The following PSMB7 variants were observed in gnomAD, a reference collection of about 807,000 sequenced individuals.
PSMB7 encodes the protein proteasome subunit beta type-7.
PSMB7 carries 5 observed loss-of-function variants against 28.1 expected under a neutral mutation model. The observed-to-expected ratio is 0.18, with a 90% CI of 0.09 to 0.37. PSMB7 has a LOEUF of 0.37. Ranked by LOEUF, PSMB7 falls within the 10% of genes least tolerant of loss-of-function variation. The pLI, the probability that PSMB7 is intolerant of heterozygous loss-of-function variation, is 1.00. For missense variants in PSMB7, 275 were observed against 346.2 expected (o/e 0.79, Z 1.63); for synonymous variants, 122 against 123.7 (o/e 0.99, Z 0.09).
chr9:124,360,949 T>C (rs1830460756), intron 6 of PSMB7, among the ~76,000 whole-genome samples: 1 of 152,152 alleles, frequency 6.6e-6, no homozygotes, highest in South Asian at 2.1e-4. Flanking sequence ...GCCAGAGGGC[T>C]CCTAAAAACA....
At chr9:124,366,105 A>T (rs534442857) in intron 6 of PSMB7, among the ~76,000 whole-genome samples, 8 of 151,456 alleles carry the variant, frequency 5.3e-5, no homozygotes, top group South Asian at 2.1e-4. Context: ...TTAAAAAAAA[A>T]TTTTTTTAAT....
intron 4 of PSMB7, among the ~76,000 whole-genome samples, chr9:124,410,186 G>A (rs1831015246): frequency 6.6e-6 from 1 of 151,838 alleles, no homozygotes; most frequent in South Asian, 2.1e-4. Context: ...AGTAGAGATG[G>A]GGTTTCACCA....
At chr9:124,388,062 T>C (rs763997424) in intron 5 of PSMB7, among the ~76,000 whole-genome samples, 5 of 152,224 alleles carry the variant, frequency 3.3e-5, no homozygotes, top group Non-Finnish European at 5.9e-5. Context: ...TTACATCCTC[T>C]TTTCCCTATA....
rs530726767 is a variant in PSMB7, at chr9:124,358,821, G to C, written c.571-1906C>G. Among the ~76,000 whole-genome samples, 12 of 152,338 alleles carry C rather than the reference G, an allele frequency of 7.9e-5. No homozygotes were observed. In the East Asian group the frequency reaches 2.1e-3, roughly 27 times the overall value. On this transcript the variant is annotated intron_variant, in intron 6 of 7. Transcript: ENST00000259457. The stretch of plus-strand genomic sequence containing the variant: ...TTCTTATCACTGCTGCTGGTGTCTA[G>C]AGCCAGCCAGCAGTACCTGGCAGAC...
chr9:124,381,957 C>G (rs1426107925), intron 6 of PSMB7, among the ~76,000 whole-genome samples: 1 of 152,048 alleles, frequency 6.6e-6, no homozygotes, highest in African/African-American at 2.4e-5. Flanking sequence ...GTACCACCTT[C>G]ACCTTAATAA....
At chr9:124,355,088 C>T (rs528960288) in intron 7 of PSMB7, among the ~76,000 whole-genome samples, 20 of 152,228 alleles carry the variant, frequency 1.3e-4, no homozygotes, top group Non-Finnish European at 2.6e-4. Flanking sequence ...GGGAAGGGCT[C>T]CCCTAACTCA....
intron 5 of PSMB7, among the ~76,000 whole-genome samples, chr9:124,397,873 T>A (rs1415346041): frequency 6.6e-6 from 1 of 152,134 alleles, no homozygotes; most frequent in African/African-American, 2.4e-5. Flanking sequence ...AAGCATGAGT[T>A]AAAACAAAAT....
Position 124,414,848 on chromosome 9 carries a change from G to A in PSMB7, c.150C>T (p.Val50=), listed in dbSNP as rs138025524. 2 of 1,613,670 alleles carry A rather than the reference G, an allele frequency of 1.2e-6. No homozygotes were observed. Among genetic ancestry groups the A allele is most frequent in the African/African-American group, 2.7e-5 (2 of 74,866 alleles). Residue 50 remains valine (V), a synonymous_variant, in exon 2 of 8, where the codon GTC becomes GTT. Transcript: ENST00000259457. ...RKTGTTIAGV[V]YKDGIVLGAD... ...TTAGCCTAACCCGGCTTACCTTATA[G>A]ACCACCCCAGCGATGGTCGTGCCAG...
At chr9:124,363,565 A>T (rs1457051944) in intron 6 of PSMB7, among the ~76,000 whole-genome samples, 3 of 152,178 alleles carry the variant, frequency 2.0e-5, no homozygotes, top group Non-Finnish European at 4.4e-5. Context: ...TTCTGGGTGA[A>T]TACGCCTGCC....
At position 124,414,896 on chromosome 9, in the gene PSMB7, G is replaced by A. The variant is rs1588585485; in HGVS notation, c.102C>T (p.Tyr34=). Residue 34 remains tyrosine (Y), a synonymous_variant, in exon 2 of 8, where the codon TAC becomes TAT. Coordinates refer to ENST00000259457, the MANE Select transcript of PSMB7 (RefSeq NM_002799.4). ...CAGTTTTCCGGACCTTTGGAAGCTT[G>A]TATCCCCTCTTTGCAAAATCGGCTT... The part of the protein sequence containing the change: ...VLEADFAKRG[Y]KLPKVRKTGT... 1 of 1,613,298 alleles carries A rather than the reference G, an allele frequency of 6.2e-7. No homozygotes were observed.
At position 124,384,606 on chromosome 9, in the gene PSMB7, C is replaced by G. The variant is rs777462889; in HGVS notation, c.562G>C (p.Asp188His). ...TGCAGGGACTTACATACCTCCATGT[C>G]TGGCCTAAACTTATCTTCAAATACA... ...MAVFEDKFRP[D>H]MEEEEAKNLV... Residue 188 changes from aspartate to histidine, a missense_variant, in exon 6 of 8, where the codon GAC becomes CAC. Asp to His is a moderately conservative substitution (Grantham distance 81, BLOSUM62 -1). Transcript: ENST00000259457. 11 of 1,612,348 alleles carry G rather than the reference C, an allele frequency of 6.8e-6. No homozygotes were observed. The highest frequency in any genetic ancestry group is 8.5e-6 in the Non-Finnish European group (10 of 1,179,296).
intron 4 of PSMB7, 123 bp from the exon 5 acceptor site, chr9:124,405,555 G>T: frequency 1.6e-6 from 1 of 634,592 alleles, no homozygotes; most frequent in Non-Finnish European, 2.8e-6. Context: ...TTCATTAAGG[G>T]GTTATTGTTT....
At chr9:124,398,507 G>A (rs780552811) in intron 5 of PSMB7, 30 of 331,676 alleles carry the variant, frequency 9.0e-5, no homozygotes, top group Non-Finnish European at 1.5e-4. Flanking sequence ...TAAAAATCAC[G>A]TTGTTTTTGG....
At chr9:124,407,034 T>C (rs57891068) in intron 4 of PSMB7, among the ~76,000 whole-genome samples, 2,536 of 152,268 alleles carry the variant, frequency 0.017, 78 homozygotes, top group African/African-American at 0.057. Context: ...GATCTACATT[T>C]GTCAACATAA....
chr9:124,390,409 A>G (rs564500658), intron 5 of PSMB7, among the ~76,000 whole-genome samples: 7 of 152,264 alleles, frequency 4.6e-5, no homozygotes, highest in South Asian at 2.1e-4. Context: ...CATTGTTTAG[A>G]TTAAAGGGGA....
intron 5 of PSMB7, among the ~76,000 whole-genome samples, chr9:124,402,707 A>G (rs1345962256): frequency 6.6e-6 from 1 of 152,252 alleles, no homozygotes; most frequent in African/African-American, 2.4e-5. Context: ...TAAGTAAAAA[A>G]AAGAAAAAAT....
At chr9:124,354,723 C>A (rs1458735258) in intron 7 of PSMB7, among the ~76,000 whole-genome samples, 1 of 152,198 alleles carries the variant, frequency 6.6e-6, no homozygotes, top group Non-Finnish European at 1.5e-5. Flanking sequence ...TGTGTCCCCA[C>A]CCCATCAGTT....
intron 6 of PSMB7, among the ~76,000 whole-genome samples, chr9:124,366,931 C>T (rs535162269): frequency 1.3e-5 from 2 of 152,346 alleles, no homozygotes; most frequent in Admixed American, 1.3e-4. Context: ...TGTGTAAGTA[C>T]ATCCTATGAC....
chr9:124,359,085 T>C (rs1247220901), intron 6 of PSMB7, among the ~76,000 whole-genome samples: 2 of 152,270 alleles, frequency 1.3e-5, no homozygotes, highest in African/African-American at 4.8e-5. Context: ...GATAAAACTT[T>C]AAAATATGCA....
Sources: gnomAD v4.1 joint callset for allele counts (sites outside exome capture counted in the v4.1 genomes callset) on GRCh38, gnomAD v4.1.1 for gene constraint, MANE v1.5 for transcripts, NCBI Gene and HGNC (gene_info 2026-07-23, HGNC 2026-07-21) for gene names.